RBFOX1: variants seen among roughly 807,000 people sequenced by gnomAD.
RBFOX1 encodes RNA binding fox-1 homolog 1.
A neutral mutation model predicts 57.7 loss-of-function variants in RBFOX1; 8 were observed. That is an observed-to-expected ratio of 0.14 (90% CI 0.08 to 0.25). RBFOX1 has a LOEUF of 0.25. RBFOX1 is among the 10% of genes least tolerant of loss of function. RBFOX1 has a pLI of 1.00. For missense variants in RBFOX1, 611 were observed against 548.5 expected (o/e 1.11, Z -1.14); for synonymous variants, 326 against 222.4 (o/e 1.47, Z -4.15).
intron 3 of RBFOX1, among the ~76,000 whole-genome samples, chr16:6,692,870 C>G (rs1434993617): frequency 6.8e-6 from 1 of 146,028 alleles, no homozygotes; most frequent in African/African-American, 2.5e-5. Context: ...CATCACCATC[C>G]TCATCCATTA....
chr16:7,693,404 A>G (rs999726603), intron 14 of RBFOX1: 2 of 1,415,710 alleles, frequency 1.4e-6, no homozygotes, highest in Non-Finnish European at 2.0e-6. Flanking sequence ...CATCCATCCA[A>G]GTCTCAGTAT....
chr16:6,519,229 G>T (rs1567533613), intron 2 of RBFOX1, among the ~76,000 whole-genome samples: 2 of 152,006 alleles, frequency 1.3e-5, no homozygotes, highest in African/African-American at 2.4e-5. Context: ...TACCACACTG[G>T]GTTGAGTGAA....
chr16:7,338,002 A>T (rs976478367), intron 4 of RBFOX1, among the ~76,000 whole-genome samples: 1 of 152,068 alleles, frequency 6.6e-6, no homozygotes, highest in Non-Finnish European at 1.5e-5. Context: ...TGAATGTTTA[A>T]TTTTCTGGGT....
chr16:5,343,093 T>C (rs1414364375), intron 1 of RBFOX1, among the ~76,000 whole-genome samples: 1 of 152,188 alleles, frequency 6.6e-6, no homozygotes, highest in East Asian at 1.9e-4. Flanking sequence ...GTGTAAGGCT[T>C]AGGACTTTTG....
At chr16:6,988,465 G>T (rs761687581) in intron 3 of RBFOX1, among the ~76,000 whole-genome samples, 2 of 152,058 alleles carry the variant, frequency 1.3e-5, no homozygotes, top group Non-Finnish European at 2.9e-5. Context: ...TTAAAAAGTC[G>T]ATTGCCTGTT....
At chr16:6,916,289 A>G (rs1038140638) in intron 3 of RBFOX1, among the ~76,000 whole-genome samples, 1 of 152,106 alleles carries the variant, frequency 6.6e-6, no homozygotes, top group African/African-American at 2.4e-5. Context: ...TCCACAGGAT[A>G]CCATAGTTTG....
chr16:7,205,541 AAAG>A (rs1294916001), intron 4 of RBFOX1, among the ~76,000 whole-genome samples: 7 of 152,040 alleles, frequency 4.6e-5, no homozygotes, highest in Admixed American at 4.6e-4. Context: ...AAAAGAAAAA[AAAG>A]AAAACTTACG....
intron 3 of RBFOX1, among the ~76,000 whole-genome samples, chr16:6,983,893 T>C (rs370902915): frequency 7.9e-5 from 12 of 152,282 alleles, no homozygotes; most frequent in African/African-American, 2.9e-4. Context: ...AGGTGTTGTG[T>C]GACTCTTAGC....
chr16:7,112,744 T>G lies in RBFOX1; in HGVS notation c.27+60646T>G, dbSNP rs1056149715. 2.7e-5 allele frequency among the ~76,000 whole-genome samples: 4 copies of G among 149,708 alleles called. No homozygotes were observed. The East Asian group carries it at 8.0e-4, about 30-fold the overall frequency. On this transcript the variant is annotated intron_variant, in intron 4 of 15. Coordinates refer to ENST00000550418, the MANE Select transcript of RBFOX1 (RefSeq NM_018723.4). ...TCAAAGTGAAAAGCTCTTGTGACCT[T>G]GATTCACAAGACTCAGGTTTGAGCT...
chr16:6,148,282 G>A (rs892634936), intron 1 of RBFOX1, among the ~76,000 whole-genome samples: 12 of 152,208 alleles, frequency 7.9e-5, no homozygotes, highest in African/African-American at 1.7e-4. Context: ...AGCCAAGATA[G>A]CGCCACTGCA....
At chr16:5,994,997 A>T (rs898174911) in intron 4 of RBFOX1, among the ~76,000 whole-genome samples, 1 of 152,218 alleles carries the variant, frequency 6.6e-6, no homozygotes, top group African/African-American at 2.4e-5. Context: ...TAGCTGTGAG[A>T]CAGGAGGAAA....
intron 1 of RBFOX1, among the ~76,000 whole-genome samples, chr16:6,197,233 G>A (rs970675263): frequency 6.6e-6 from 1 of 151,996 alleles, no homozygotes; most frequent in East Asian, 1.9e-4. Flanking sequence ...AGCATCTCTT[G>A]GTGACTCCCC....
At chr16:7,449,415 A>G (rs1348137826) in intron 4 of RBFOX1, among the ~76,000 whole-genome samples, 6 of 152,196 alleles carry the variant, frequency 3.9e-5, no homozygotes, top group Non-Finnish European at 8.8e-5. Flanking sequence ...CAGAATGAAT[A>G]GAAAACTTGA....
chr16:6,589,667 C>T (rs1246721730), intron 2 of RBFOX1, among the ~76,000 whole-genome samples: 1 of 152,218 alleles, frequency 6.6e-6, no homozygotes, highest in Non-Finnish European at 1.5e-5. Context: ...AATCTTGTGG[C>T]TCATTTGTTA....
intron 11 of RBFOX1, among the ~76,000 whole-genome samples, chr16:7,650,035 G>GACA: frequency 1.1e-5 from 1 of 91,792 alleles, no homozygotes; most frequent in East Asian, 3.9e-4. Flanking sequence ...AAAGAGGGAG[G>GACA]GAAGGACAGG....
chr16:5,590,123 AT>A (rs1392270510), intron 2 of RBFOX1, among the ~76,000 whole-genome samples: 7 of 152,194 alleles, frequency 4.6e-5, no homozygotes, highest in African/African-American at 1.4e-4. Flanking sequence ...CTTGAAATTG[AT>A]TTCTTTATTT....
chr16:6,204,106 T>G (rs933678082), intron 1 of RBFOX1, among the ~76,000 whole-genome samples: 1 of 152,036 alleles, frequency 6.6e-6, no homozygotes, highest in African/African-American at 2.4e-5. Context: ...AAGTACAGGG[T>G]GGGGAGAACA....
chr16:7,093,040 T>C (rs924987087), intron 4 of RBFOX1, among the ~76,000 whole-genome samples: 2 of 152,354 alleles, frequency 1.3e-5, no homozygotes, highest in South Asian at 2.1e-4. Flanking sequence ...TTTTCGTTTT[T>C]TATTCCAAAG....
chr16:6,554,201 A>G (rs1212738126), intron 2 of RBFOX1, among the ~76,000 whole-genome samples: 3 of 152,204 alleles, frequency 2.0e-5, no homozygotes, highest in African/African-American at 2.4e-5. Context: ...AAGAAATAAC[A>G]TCCCTTTATT....
Sources: gnomAD v4.1 joint callset for allele counts (sites outside exome capture counted in the v4.1 genomes callset) on GRCh38, gnomAD v4.1.1 for gene constraint, MANE v1.5 for transcripts, NCBI Gene and HGNC (gene_info 2026-07-23, HGNC 2026-07-21) for gene names.